The following CDH13 variants were observed in gnomAD, a reference collection of about 807,000 sequenced individuals.
CDH13 encodes cadherin 13.
A neutral mutation model predicts 63.8 loss-of-function variants in CDH13; 24 were observed. The observed-to-expected ratio is 0.38, with a 90% CI of 0.27 to 0.53. The LOEUF (loss-of-function observed/expected upper bound fraction) is 0.53. Among genes scored for constraint, CDH13 ranks in the 20% least tolerant of loss-of-function variants. The pLI, the probability that CDH13 is intolerant of heterozygous loss-of-function variation, is 0.85. For synonymous variants in CDH13, 503 were observed against 355.3 expected, an observed-to-expected ratio of 1.42 and a Z score of -4.67; for missense variants, 1,049 against 903.1, an observed-to-expected ratio of 1.16 and a Z score of -2.07.
intron 6 of CDH13, among the ~76,000 whole-genome samples, chr16:83,419,000 C>T (rs1597975640): frequency 6.6e-6 from 1 of 152,144 alleles, no homozygotes; most frequent in Admixed American, 6.5e-5. Flanking sequence ...GCCAACTTTG[C>T]ACTGCCTTCA....
At chr16:82,896,770 C>CTT (rs71382855) in intron 2 of CDH13, among the ~76,000 whole-genome samples, 52 of 55,570 alleles carry the variant, frequency 9.4e-4, no homozygotes, top group Admixed American at 1.1e-3. Flanking sequence ...CTGTGCAATT[C>CTT]TTTTTTTTTT....
intron 5 of CDH13, among the ~76,000 whole-genome samples, chr16:83,319,384 C>T (rs994620901): frequency 6.6e-6 from 1 of 152,142 alleles, no homozygotes; most frequent in Non-Finnish European, 1.5e-5. Flanking sequence ...ATGCAGACAC[C>T]TAGATGTCAT....
chr16:83,187,222 C>T (rs952763244), intron 4 of CDH13, among the ~76,000 whole-genome samples: 40 of 152,184 alleles, frequency 2.6e-4, no homozygotes, highest in Non-Finnish European at 2.1e-4. Flanking sequence ...CCACCCACCT[C>T]GGCTTCCCAG....
intron 7 of CDH13, among the ~76,000 whole-genome samples, chr16:83,504,781 G>A (rs940536556): frequency 1.3e-5 from 2 of 152,144 alleles, no homozygotes; most frequent in African/African-American, 4.8e-5. Context: ...AAGAGTAGTG[G>A]CTTCAAGGAA....
chr16:83,238,712 C>T (rs1204924875), intron 5 of CDH13, among the ~76,000 whole-genome samples: 1 of 149,110 alleles, frequency 6.7e-6, no homozygotes, highest in Non-Finnish European at 1.5e-5. Context: ...TCAGAAATAA[C>T]ATTTAACCAG....
intron 2 of CDH13, among the ~76,000 whole-genome samples, chr16:82,971,809 C>A (rs982856496): frequency 6.6e-6 from 1 of 152,198 alleles, no homozygotes; most frequent in East Asian, 1.9e-4. Flanking sequence ...CCCTTAAATG[C>A]TACCTTTTCC....
At chr16:82,695,014 C>G (rs2030090743) in intron 1 of CDH13, among the ~76,000 whole-genome samples, 1 of 152,004 alleles carries the variant, frequency 6.6e-6, no homozygotes, top group South Asian at 2.1e-4. Flanking sequence ...AGGGTGGAGA[C>G]AGGAGGCAGT....
chr16:83,566,785 T>C (rs1181768522), intron 7 of CDH13, among the ~76,000 whole-genome samples: 4 of 152,192 alleles, frequency 2.6e-5, no homozygotes, highest in Non-Finnish European at 5.9e-5. Context: ...TGCCTGGTGT[T>C]CTTTGCGTGT....
chr16:83,041,436 C>A (rs954660931), intron 3 of CDH13, among the ~76,000 whole-genome samples: 1 of 152,028 alleles, frequency 6.6e-6, no homozygotes, highest in African/African-American at 2.4e-5. Context: ...GAAGGAGCCA[C>A]TTGGGAGAAA....
intron 5 of CDH13, among the ~76,000 whole-genome samples, chr16:83,280,212 T>G (rs1233231810): frequency 6.6e-6 from 1 of 152,222 alleles, no homozygotes; most frequent in Non-Finnish European, 1.5e-5. Context: ...GTTCCAAAAT[T>G]GGAGTCAGTC....
intron 4 of CDH13, among the ~76,000 whole-genome samples, chr16:83,128,186 TG>T (rs544203062): frequency 4.9e-4 from 74 of 152,152 alleles, no homozygotes; most frequent in African/African-American, 1.6e-3. Flanking sequence ...TCCACTGGGG[TG>T]GGGGTGAGGA....
At chr16:83,002,826 T>C (rs1372594541) in intron 2 of CDH13, among the ~76,000 whole-genome samples, 1 of 152,170 alleles carries the variant, frequency 6.6e-6, no homozygotes, top group Non-Finnish European at 1.5e-5. Context: ...GCCGTGACAC[T>C]GGAGTGTGCC....
intron 3 of CDH13, among the ~76,000 whole-genome samples, chr16:83,037,111 G>A (rs1916931260): frequency 6.6e-6 from 1 of 152,206 alleles, no homozygotes; most frequent in Non-Finnish European, 1.5e-5. Context: ...CTTGACTGGA[G>A]TAGGGAGAGA....
chr16:83,725,845 T>C (rs1910321597), intron 10 of CDH13: 2 of 152,232 alleles, frequency 1.3e-5, no homozygotes, highest in Non-Finnish European at 2.9e-5. Flanking sequence ...GAATACAAAC[T>C]AGAAGAGGTG....
intron 7 of CDH13, among the ~76,000 whole-genome samples, chr16:83,537,387 A>C (rs1242275531): frequency 1.3e-5 from 2 of 152,216 alleles, no homozygotes; most frequent in Admixed American, 6.5e-5. Flanking sequence ...GGTGAAATGC[A>C]CTTAATTTGG....
At position 83,667,299 on chromosome 16, in the gene CDH13, G is replaced by T. The variant is rs116622800; in HGVS notation, c.1102-3491G>T. On this transcript the variant is annotated intron_variant, in intron 8 of 13. Transcript: ENST00000567109. ...TATTCTATACCAGCCCCTTCAGCAGGTGCTGCAGACATAAAACTATCAGTG... is the reference window on the plus strand; with the variant it reads ...TATTCTATACCAGCCCCTTCAGCAGTTGCTGCAGACATAAAACTATCAGTG... Among the ~76,000 whole-genome samples, 811 of 152,266 alleles carry T rather than the reference G, an allele frequency of 5.3e-3. 11 individuals carry two copies. The highest frequency in any genetic ancestry group is 0.018 in the African/African-American group (767 of 41,552).
chr16:82,894,205 T>C (rs1597157514), intron 2 of CDH13, among the ~76,000 whole-genome samples: 1 of 152,262 alleles, frequency 6.6e-6, no homozygotes, highest in South Asian at 2.1e-4. Flanking sequence ...TCCACCTGTC[T>C]TGGCCTTCCA....
At chr16:83,197,049 A>G (rs1157510593) in intron 4 of CDH13, among the ~76,000 whole-genome samples, 1 of 152,218 alleles carries the variant, frequency 6.6e-6, no homozygotes, top group African/African-American at 2.4e-5. Flanking sequence ...ATGTCCTTCA[A>G]CATGTGAATG....
At chr16:83,712,291 C>T (rs558570543) in intron 10 of CDH13, among the ~76,000 whole-genome samples, 4 of 152,290 alleles carry the variant, frequency 2.6e-5, no homozygotes, top group South Asian at 4.2e-4. Flanking sequence ...ACAATAGCCG[C>T]CAGAGCACTG....
Sources: gnomAD v4.1 joint callset for allele counts (sites outside exome capture counted in the v4.1 genomes callset) on GRCh38, gnomAD v4.1.1 for gene constraint, MANE v1.5 for transcripts, NCBI Gene and HGNC (gene_info 2026-07-23, HGNC 2026-07-21) for gene names.